The following LCLAT1 variants were observed in gnomAD, a reference collection of about 807,000 sequenced individuals.
LCLAT1 encodes lysocardiolipin acyltransferase 1.
A neutral mutation model predicts 30.7 loss-of-function variants in LCLAT1; 11 were observed. That is an observed-to-expected ratio of 0.36 (90% CI 0.23 to 0.59). The LOEUF (loss-of-function observed/expected upper bound fraction) is 0.59. Among genes scored for constraint, LCLAT1 ranks in the 20% least tolerant of loss-of-function variants. The probability of loss-of-function intolerance (pLI) is 0.77; values close to 1 mark genes in which losing one functional copy is unlikely to be tolerated. For missense variants in LCLAT1, 402 were observed against 458.6 expected, an observed-to-expected ratio of 0.88 and a Z score of 1.13; for synonymous variants, 155 against 151.3, an observed-to-expected ratio of 1.02 and a Z score of -0.18.
Position 30,596,553 on chromosome 2 carries a change from G to T in LCLAT1, c.628+28377G>T, listed in dbSNP as rs1572674142. ...GACTCTGAGTATTAGACCTTTGTCAGATGGATAGATTGCAAAAATTTTCTC... is the reference window on the plus strand; with the variant it reads ...GACTCTGAGTATTAGACCTTTGTCATATGGATAGATTGCAAAAATTTTCTC... On this transcript the variant is annotated intron_variant, in intron 5 of 5. Coordinates refer to ENST00000379509, the MANE Select transcript of LCLAT1 (RefSeq NM_001002257.3). Among the ~76,000 whole-genome samples, 3 of 151,598 alleles carry T rather than the reference G, an allele frequency of 2.0e-5. No individual in the cohort carries two copies. In the South Asian group the frequency reaches 6.3e-4, roughly 32 times the overall value.
intron 1 of LCLAT1, among the ~76,000 whole-genome samples, chr2:30,480,531 T>G (rs1447064867): frequency 6.6e-6 from 1 of 152,170 alleles, no homozygotes. Context: ...AAATATAAAA[T>G]GACAGTATCA....
chr2:30,496,420 G>A (rs146416470), intron 1 of LCLAT1, among the ~76,000 whole-genome samples: 9 of 152,274 alleles, frequency 5.9e-5, no homozygotes, highest in East Asian at 1.9e-4. Context: ...GTTTCTGGGC[G>A]TCTTTCTTCC....
intron 1 of LCLAT1, among the ~76,000 whole-genome samples, chr2:30,518,219 C>T (rs1442173934): frequency 6.6e-6 from 1 of 152,162 alleles, no homozygotes; most frequent in Non-Finnish European, 1.5e-5. Context: ...TCCCTTAACC[C>T]AGCAGATTTC....
At chr2:30,468,021 A>G (rs1475696762) in intron 1 of LCLAT1, among the ~76,000 whole-genome samples, 4 of 152,170 alleles carry the variant, frequency 2.6e-5, no homozygotes, top group Non-Finnish European at 5.9e-5. Flanking sequence ...GCCCATGCCT[A>G]TGTCCTGAAT....
At chr2:30,582,641 C>G (rs564742598) in intron 5 of LCLAT1, among the ~76,000 whole-genome samples, 21 of 152,294 alleles carry the variant, frequency 1.4e-4, no homozygotes, top group Non-Finnish European at 2.4e-4. Context: ...AAAATTTCAT[C>G]CCCATAGCCT....
intron 1 of LCLAT1, chr2:30,476,379 C>G: frequency 2.2e-6 from 1 of 456,624 alleles, no homozygotes; most frequent in Non-Finnish European, 4.4e-6. Flanking sequence ...GGACAGCAAT[C>G]AAAGTTTCAT....
chr2:30,499,042 T>C (rs1454444722), intron 1 of LCLAT1, among the ~76,000 whole-genome samples: 1 of 152,222 alleles, frequency 6.6e-6, no homozygotes, highest in Non-Finnish European at 1.5e-5. Context: ...ATCTGATCTC[T>C]GTTACCTCAT....
intron 1 of LCLAT1, among the ~76,000 whole-genome samples, chr2:30,524,072 GTT>G (rs67542297): frequency 6.6e-6 from 1 of 151,836 alleles, no homozygotes; most frequent in East Asian, 1.9e-4. Flanking sequence ...TTATAAGGCT[GTT>G]TTTTTTTCAT....
At chr2:30,520,460 G>T (rs1375383163) in intron 1 of LCLAT1, among the ~76,000 whole-genome samples, 1 of 152,154 alleles carries the variant, frequency 6.6e-6, no homozygotes, top group African/African-American at 2.4e-5. Flanking sequence ...TAACATTTCA[G>T]ACTGAGTGTG....
In LCLAT1 at chr2:30,533,245, A is replaced by G; in HGVS notation, c.295A>G (p.Met99Val). 1.2e-6 allele frequency: 2 copies of G among 1,614,136 alleles called. No individual in the cohort carries two copies. Among genetic ancestry groups the G allele is most frequent in the East Asian group, 2.2e-5 (1 of 44,868 alleles). Reference sequence around the variant, plus strand: ...CTGGATGTTCCTGTGGAATTGCCTGATGCGATATAGCTACCTCAGATTGGA... The same window carrying G: ...CTGGATGTTCCTGTGGAATTGCCTGGTGCGATATAGCTACCTCAGATTGGA... ...MDWMFLWNCLMRYSYLRLEKI... is the reference protein window; with the variant it reads ...MDWMFLWNCLVRYSYLRLEKI... The change falls in exon 3 of 6, where the codon ATG (methionine) becomes GTG (valine). Residue 99 changes from methionine to valine, a missense_variant. Transcript: ENST00000379509.
chr2:30,588,183 G>A (rs1038665931), intron 5 of LCLAT1, among the ~76,000 whole-genome samples: 11 of 152,220 alleles, frequency 7.2e-5, no homozygotes, highest in Admixed American at 4.6e-4. Flanking sequence ...TGCTCCTGAC[G>A]TTTTCAACCC....
intron 1 of LCLAT1, among the ~76,000 whole-genome samples, chr2:30,507,277 C>CA (rs1256249393): frequency 6.6e-6 from 1 of 152,038 alleles, no homozygotes; most frequent in Non-Finnish European, 1.5e-5. Context: ...GAGATTACAA[C>CA]AAAAAATAAT....
chr2:30,538,069 C>G (rs1039321727), intron 3 of LCLAT1, among the ~76,000 whole-genome samples: 9 of 151,420 alleles, frequency 5.9e-5, no homozygotes, highest in Non-Finnish European at 1.5e-5. Flanking sequence ...CTATAGGATA[C>G]AGCAAAAGCA....
rs760622200 is a variant in LCLAT1 at position 30,461,770 on chromosome 2, C to CCTTTT, written c.-5+14387_-5+14388insCTTTT. Among the ~76,000 whole-genome samples the CCTTTT allele has an allele frequency of 1.1e-3, 140 of 131,732 alleles. 7 individuals carry two copies. The highest frequency in any genetic ancestry group is 8.5e-3 in the East Asian group (37 of 4,338). The allele number at this position is 131,732 out of a possible 152,430, so 86.4% of individuals were successfully genotyped here. A position where few individuals can be genotyped will look rare whatever the true frequency, so the allele number is the denominator to read the frequency against. On this transcript the variant is annotated intron_variant, in intron 1 of 5. Coordinates refer to ENST00000379509, the MANE Select transcript of LCLAT1 (RefSeq NM_001002257.3). ...TGTGGACCACTTTTTCTAAATTAAACTTTTTTTTTTTTTTTTTTGAGACGG... is the reference window on the plus strand; with the variant it reads ...TGTGGACCACTTTTTCTAAATTAAACCTTTTTTTTTTTTTTTTTTTTTTGAGACGG...
At chr2:30,582,518 T>C (rs1211175432) in intron 5 of LCLAT1, among the ~76,000 whole-genome samples, 11 of 152,246 alleles carry the variant, frequency 7.2e-5, no homozygotes, top group African/African-American at 1.9e-4. Flanking sequence ...AAGGAGCTTA[T>C]GCCAAGCACA....
chr2:30,629,341 C>A (rs1320204004), intron 5 of LCLAT1, among the ~76,000 whole-genome samples: 1 of 152,166 alleles, frequency 6.6e-6, no homozygotes, highest in Non-Finnish European at 1.5e-5. Flanking sequence ...AGGTGGATCA[C>A]CTGAGGTCCG....
chr2:30,513,633 T>A (rs959853122), intron 1 of LCLAT1, among the ~76,000 whole-genome samples: 4 of 152,180 alleles, frequency 2.6e-5, no homozygotes, highest in African/African-American at 9.7e-5. Flanking sequence ...GCCCCCCAAA[T>A]CACTAAGCTA....
intron 1 of LCLAT1, among the ~76,000 whole-genome samples, chr2:30,489,401 G>T (rs1683723284): frequency 6.6e-6 from 1 of 151,812 alleles, no homozygotes; most frequent in Admixed American, 6.6e-5. Context: ...CGCCCAGGCT[G>T]GAGTGCAGTG....
In LCLAT1 at chr2:30,641,420, T is replaced by C. The variant is rs1669300101; in HGVS notation, c.*801T>C. On this transcript the variant is annotated 3_prime_UTR_variant, in exon 6 of 6. Transcript: ENST00000379509. ...CAGGTGTAGCTTTTTCTGTTAAAAATGGTATACATGAAGTCACATACTTTT... is the reference window on the plus strand; with the variant it reads ...CAGGTGTAGCTTTTTCTGTTAAAAACGGTATACATGAAGTCACATACTTTT... 6.6e-6 allele frequency: 1 copy of C among 152,238 alleles called. No homozygotes were observed. Among genetic ancestry groups the C allele is most frequent in the Admixed American group, 6.5e-5 (1 of 15,290 alleles). 9.4% of individuals were successfully genotyped at this position (152,238 alleles called of 1,614,324 possible). A position where few individuals can be genotyped will look rare whatever the true frequency, so the allele number is the denominator to read the frequency against.
Sources: allele counts gnomAD v4.1 joint callset (sites outside exome capture counted in the v4.1 genomes callset), GRCh38; gene constraint gnomAD v4.1.1; transcripts MANE v1.5; gene names NCBI Gene and HGNC (gene_info 2026-07-23, HGNC 2026-07-21).